NUTM2G: variants seen among roughly 807,000 people sequenced by gnomAD.
NUTM2G encodes the protein family with sequence similarity 22, member G.
In NUTM2G, 29 loss-of-function variants were observed where a neutral mutation model predicts 44.3. The ratio of observed to expected loss-of-function variants is 0.66; its 90% CI spans 0.49 to 0.89. The LOEUF (loss-of-function observed/expected upper bound fraction) is 0.89. Among genes scored for constraint, NUTM2G ranks in the 40% least tolerant of loss-of-function variants. NUTM2G has a pLI of 0.00. For missense variants in NUTM2G, 502 were observed against 946.5 expected (o/e 0.53, Z 6.16); for synonymous variants, 205 against 395.9 (o/e 0.52, Z 5.72).
intron 2 of NUTM2G, among the ~76,000 whole-genome samples, chr9:96,933,183 T>A (rs989412807): frequency 3.3e-5 from 5 of 149,594 alleles, no homozygotes; most frequent in African/African-American, 1.2e-4. Flanking sequence ...TTTCACCATG[T>A]TAGCCAGGAT....
chr9:96,936,815 C>T (rs1456925041), intron 4 of NUTM2G, among the ~76,000 whole-genome samples: 1 of 152,198 alleles, frequency 6.6e-6, no homozygotes, highest in Non-Finnish European at 1.5e-5. Context: ...CAAAACTCCA[C>T]ATATGCTCTG....
At position 96,936,588 on chromosome 9, in the gene NUTM2G, G is replaced by A. The variant is rs1248795699; in HGVS notation, c.982+24G>A. The A allele has an allele frequency of 4.5e-6, 7 of 1,549,304 alleles. No individual in the cohort carries two copies. The East Asian group carries it at 1.4e-4, about 31-fold the overall frequency. On this transcript the variant is annotated intron_variant, in intron 4 of 6. Transcript: ENST00000372322. The stretch of plus-strand genomic sequence containing the variant: ...AGGTACAGCTTCCCACATTCCCACA[G>A]GAGCCATGGCAAAGGCCAAAGGGGC...
chr9:96,937,783 T>C (rs1356788225), intron 5 of NUTM2G, 102 bp from the exon 6 acceptor site: 11 of 1,483,070 alleles, frequency 7.4e-6, no homozygotes, highest in Non-Finnish European at 1.0e-5. Context: ...CCCAGGAGGG[T>C]GGGAATGGGG....
intron 1 of NUTM2G, among the ~76,000 whole-genome samples, chr9:96,931,068 A>G (rs1826229281): frequency 6.6e-6 from 1 of 151,152 alleles, no homozygotes. Context: ...TTTGTATTTT[A>G]GTAGAGATGG....
Position 96,928,949 on chromosome 9 carries a change from C to T in NUTM2G, c.-76C>T. 2.0e-6 allele frequency: 3 copies of T among 1,536,560 alleles called. No homozygotes were observed. Among genetic ancestry groups the T allele is most frequent in the South Asian group, 2.3e-5 (2 of 87,908 alleles). On this transcript the variant is annotated 5_prime_UTR_variant, in exon 1 of 7. Coordinates refer to ENST00000372322, the MANE Select transcript of NUTM2G (RefSeq NM_001170741.3). ...CAGGAGGATCTGCTGAGTCAGGTCACTCTCTGGGTCCTGCCCTTGACTTTT... is the reference window on the plus strand; with the variant it reads ...CAGGAGGATCTGCTGAGTCAGGTCATTCTCTGGGTCCTGCCCTTGACTTTT...
intron 3 of NUTM2G, 111 bp downstream of exon 3, chr9:96,935,567 AAC>A (rs1826403043): frequency 6.3e-7 from 1 of 1,598,270 alleles, no homozygotes; most frequent in Non-Finnish European, 8.5e-7. Flanking sequence ...GGTGTGGACA[AAC>A]ACAGGACGCC....
downstream of NUTM2G, chr9:96,940,305 A>T (rs1186542703): frequency 6.5e-6 from 1 of 153,942 alleles, no homozygotes; most frequent in Non-Finnish European, 1.4e-5. Context: ...GTGCCCTGAG[A>T]GTCGGGGGCC....
downstream of NUTM2G, chr9:96,939,914 GGAGA>G (rs1256110824): frequency 6.6e-5 from 1 of 15,056 alleles, no homozygotes; most frequent in Non-Finnish European, 1.5e-4. Flanking sequence ...TTTCTGGGCA[GGAGA>G]GAGTCTTGTC....
chr9:96,935,302 C>T (rs1242593805), intron 2 of NUTM2G, 26 bp from the exon 3 acceptor site: 12 of 1,611,766 alleles, frequency 7.4e-6, no homozygotes, highest in African/African-American at 1.3e-5. Context: ...GGCTTACAGA[C>T]TGGGACTGAC....
intron 6 of NUTM2G, 50 bp downstream of exon 6, chr9:96,938,051 C>G: frequency 1.2e-6 from 2 of 1,610,700 alleles, no homozygotes; most frequent in Non-Finnish European, 1.7e-6. Flanking sequence ...GCAGGAGGGA[C>G]CCGGCACACA....
intron 1 of NUTM2G, among the ~76,000 whole-genome samples, chr9:96,930,055 C>A (rs1185242547): frequency 1.3e-5 from 2 of 152,270 alleles, no homozygotes. Flanking sequence ...TGGCTAGAGA[C>A]TGCATGAGGT....
At chr9:96,930,931 G>T in intron 1 of NUTM2G, among the ~76,000 whole-genome samples, 1 of 107,380 alleles carries the variant, frequency 9.3e-6, no homozygotes, top group African/African-American at 3.6e-5. Flanking sequence ...GTCTCGCTCT[G>T]TCACCCGGGC....
intron 2 of NUTM2G, 110 bp from the exon 3 acceptor site, chr9:96,935,218 G>A: frequency 1.3e-6 from 2 of 1,520,534 alleles, no homozygotes; most frequent in Non-Finnish European, 1.8e-6. Context: ...AACAGGACAG[G>A]GACAGATGGC....
At chr9:96,942,138 C>G (rs1826605477), downstream of NUTM2G, among the ~76,000 whole-genome samples, 1 of 151,530 alleles carries the variant, frequency 6.6e-6, no homozygotes, top group African/African-American at 2.4e-5. Flanking sequence ...AAGCCATGGC[C>G]TCCTGAGAAA....
intron 3 of NUTM2G, 128 bp downstream of exon 3, chr9:96,935,584 G>A: frequency 1.3e-6 from 2 of 1,565,568 alleles, no homozygotes; most frequent in Non-Finnish European, 1.7e-6. Flanking sequence ...GACGCCCTGG[G>A]CCCCTGGCTC....
downstream of NUTM2G, chr9:96,940,149 G>A (rs1423240616): frequency 5.8e-5 from 8 of 137,920 alleles, no homozygotes; most frequent in East Asian, 2.7e-4. Context: ...CCTGCCAGGC[G>A]CAAGGTGGGT....
Position 96,936,376 on chromosome 9 carries a change from G to T in NUTM2G, c.843-49G>T, listed in dbSNP as rs11999646. The T allele has an allele frequency of 4.4e-4, 684 of 1,547,676 alleles. 8 individuals carry two copies. In the African/African-American group the frequency reaches 8.3e-3, roughly 19 times the overall value. ...CTCGGCTGCTGCCTGGTCCTGGGGG[G>T]AGGGGGCCTGGACCCTCTCAGCACA... On this transcript the variant is annotated intron_variant, in intron 3 of 6. Transcript: ENST00000372322.
chr9:96,931,067 T>C (rs1260082962), intron 1 of NUTM2G, among the ~76,000 whole-genome samples: 2 of 151,724 alleles, frequency 1.3e-5, no homozygotes, highest in Non-Finnish European at 2.9e-5. Context: ...TTTTGTATTT[T>C]AGTAGAGATG....
At chr9:96,942,754 T>C (rs1826624938), downstream of NUTM2G, 1 of 150,924 alleles carries the variant, frequency 6.6e-6, no homozygotes, top group African/African-American at 2.5e-5. Context: ...TTGCATAAAC[T>C]GTATGAGCGA....
Sources: gnomAD v4.1 joint callset for allele counts (sites outside exome capture counted in the v4.1 genomes callset) on GRCh38, gnomAD v4.1.1 for gene constraint, MANE v1.5 for transcripts, NCBI Gene and HGNC (gene_info 2026-07-23, HGNC 2026-07-21) for gene names.